The following PDE1A variants were observed in gnomAD, a reference collection of about 807,000 sequenced individuals.
PDE1A encodes the protein dual specificity calcium/calmodulin-dependent 3',5'-cyclic nucleotide phosphodiesterase 1A.
In PDE1A, 35 loss-of-function variants were observed where a neutral mutation model predicts 61.7. That is an observed-to-expected ratio of 0.57 (90% CI 0.43 to 0.75). The LOEUF is 0.75. PDE1A is among the 30% of genes least tolerant of loss of function. PDE1A has a pLI of 0.00. For missense variants in PDE1A, 597 were observed against 630.6 expected, an observed-to-expected ratio of 0.95 and a Z score of 0.57; for synonymous variants, 232 against 213.2, an observed-to-expected ratio of 1.09 and a Z score of -0.77.
At position 182,264,322 on chromosome 2, in the gene PDE1A, G is replaced by A. The variant is rs1222907719; in HGVS notation, c.146C>T (p.Ala49Val). ...TTACCTTGTTTCATCGATATAAACT[G>A]CTTCCAGCACAGATGCCGCATATTC... The change falls in exon 2 of 14, where the codon GCA becomes GTA. Residue 49 changes from alanine to valine, a missense_variant. Physicochemically the swap from Ala to Val is moderately conservative, Grantham distance 64. Transcript: ENST00000351439. The A allele has an allele frequency of 1.9e-6, 3 of 1,610,822 alleles. No individual in the cohort carries two copies. In the Admixed American group the frequency reaches 5.0e-5, roughly 27 times the overall value.
At chr2:182,615,882 G>A in the PDE1A span, among the ~76,000 whole-genome samples, 1 of 152,116 alleles carries the variant, frequency 6.6e-6, no homozygotes, top group African/African-American at 2.4e-5. Context: ...CCATGACAAT[G>A]GCATTAATCC....
intron 2 of PDE1A, among the ~76,000 whole-genome samples, chr2:182,454,019 C>A (rs1685718837): frequency 6.6e-6 from 1 of 151,878 alleles, no homozygotes; most frequent in South Asian, 2.1e-4. Flanking sequence ...CTAGAAAACC[C>A]CATTGTCTCA....
the PDE1A span, among the ~76,000 whole-genome samples, chr2:182,666,717 A>G: frequency 2.0e-5 from 3 of 152,184 alleles, no homozygotes; most frequent in African/African-American, 7.2e-5. Flanking sequence ...TTGCAACTCT[A>G]CATTCAGGAA....
intron 1 of PDE1A, among the ~76,000 whole-genome samples, chr2:182,298,081 T>C (rs892602596): frequency 7.2e-5 from 11 of 152,190 alleles, no homozygotes; most frequent in Non-Finnish European, 1.5e-5. Flanking sequence ...AGAATTCCAT[T>C]TCTGGCTGTA....
chr2:182,488,955 CT>C (rs552663366), intron 2 of PDE1A, among the ~76,000 whole-genome samples: 28 of 152,300 alleles, frequency 1.8e-4, no homozygotes, highest in Admixed American at 8.5e-4. Flanking sequence ...ATGAAGTTTG[CT>C]TTCTAATGGG....
intron 13 of PDE1A, among the ~76,000 whole-genome samples, chr2:182,153,785 G>A (rs74986538): frequency 1.1e-4 from 17 of 152,200 alleles, no homozygotes; most frequent in Non-Finnish European, 1.8e-4. Flanking sequence ...GGCAACATGG[G>A]GCTGCTCTGA....
intron 10 of PDE1A, among the ~76,000 whole-genome samples, chr2:182,199,396 A>G (rs980320925): frequency 2.0e-5 from 3 of 152,068 alleles, no homozygotes; most frequent in African/African-American, 7.2e-5. Flanking sequence ...AAGGTGAAAC[A>G]GATATAACTT....
At chr2:182,328,235 C>A (rs555701471) in intron 1 of PDE1A, among the ~76,000 whole-genome samples, 1 of 152,144 alleles carries the variant, frequency 6.6e-6, no homozygotes, top group South Asian at 2.1e-4. Context: ...TGCCAGGAAA[C>A]ATTAAGGGAT....
chr2:182,572,013 C>A, the PDE1A span, among the ~76,000 whole-genome samples: 1 of 152,174 alleles, frequency 6.6e-6, no homozygotes, highest in Admixed American at 6.5e-5. Context: ...TCAGCTAACT[C>A]CCCTTAGAAA....
intron 1 of PDE1A, among the ~76,000 whole-genome samples, chr2:182,340,826 G>A (rs11690037): frequency 0.22 from 32,842 of 152,060 alleles, 4,013 homozygotes; most frequent in East Asian, 0.48. Context: ...TTAGAGTCAT[G>A]ATGCCTGGTT....
At chr2:182,323,489 C>G (rs1356884496) in intron 1 of PDE1A, among the ~76,000 whole-genome samples, 2 of 152,194 alleles carry the variant, frequency 1.3e-5, no homozygotes, top group East Asian at 3.9e-4. Context: ...AGGCTGGAGA[C>G]AGACAAGAAA....
chr2:182,196,864 T>TAA (rs1356798880), intron 10 of PDE1A, among the ~76,000 whole-genome samples: 1 of 151,898 alleles, frequency 6.6e-6, no homozygotes, highest in Non-Finnish European at 1.5e-5. Flanking sequence ...TGAGTTTTTT[T>TAA]AAGTAGTAGT....
At chr2:182,418,551 T>C (rs1455832204) in intron 1 of PDE1A, among the ~76,000 whole-genome samples, 2 of 152,090 alleles carry the variant, frequency 1.3e-5, no homozygotes, top group African/African-American at 4.8e-5. Flanking sequence ...GATCAAACTA[T>C]GTGCTTTTTC....
intron 2 of PDE1A, among the ~76,000 whole-genome samples, chr2:182,490,494 C>T (rs939307543): frequency 3.3e-5 from 5 of 152,128 alleles, no homozygotes; most frequent in Non-Finnish European, 5.9e-5. Context: ...CTCAGCCTCC[C>T]GAATAGCTGA....
chr2:182,195,693 T>C (rs746068997), intron 10 of PDE1A, among the ~76,000 whole-genome samples: 14 of 152,236 alleles, frequency 9.2e-5, no homozygotes, highest in Non-Finnish European at 1.6e-4. Context: ...TGAAGACATA[T>C]ATTTGCAAAT....
intron 2 of PDE1A, among the ~76,000 whole-genome samples, chr2:182,258,037 A>G (rs528829626): frequency 6.6e-6 from 1 of 152,174 alleles, no homozygotes; most frequent in African/African-American, 2.4e-5. Flanking sequence ...GTGTGGTGGC[A>G]GGCACCTGTA....
At chr2:182,232,136 T>C (rs909465105) in intron 4 of PDE1A, among the ~76,000 whole-genome samples, 2 of 152,130 alleles carry the variant, frequency 1.3e-5, no homozygotes, top group African/African-American at 2.4e-5. Context: ...TCGCATTTCA[T>C]GCAGTTCCCT....
chr2:182,641,973 A>G, the PDE1A span, among the ~76,000 whole-genome samples: 1 of 152,214 alleles, frequency 6.6e-6, no homozygotes, highest in African/African-American at 2.4e-5. Flanking sequence ...CTATTATTTA[A>G]AGTCACTAGA....
At chr2:182,513,006 A>C (rs1054654384) in intron 2 of PDE1A, among the ~76,000 whole-genome samples, 1 of 152,184 alleles carries the variant, frequency 6.6e-6, no homozygotes, top group Non-Finnish European at 1.5e-5. Context: ...GAGAGAGAGC[A>C]AGCAACTTGG....
Sources: gnomAD v4.1 joint callset for allele counts (sites outside exome capture counted in the v4.1 genomes callset) on GRCh38, gnomAD v4.1.1 for gene constraint, MANE v1.5 for transcripts, NCBI Gene and HGNC (gene_info 2026-07-23, HGNC 2026-07-21) for gene names.